CRIM1: variants seen among roughly 807,000 people sequenced by gnomAD.
CRIM1 encodes the protein cysteine rich transmembrane BMP regulator 1.
Under a neutral mutation model 116.4 loss-of-function variants are expected in CRIM1, and 32 were observed. That is an observed-to-expected ratio of 0.27 (90% CI 0.21 to 0.37). The LOEUF (loss-of-function observed/expected upper bound fraction) is 0.37. Ranked by LOEUF, CRIM1 falls within the 10% of genes least tolerant of loss-of-function variation. CRIM1 has a pLI of 1.00. For missense variants in CRIM1, 1,331 were observed against 1,354.8 expected (o/e 0.98, Z 0.28); for synonymous variants, 590 against 509.2 (o/e 1.16, Z -2.13).
At chr2:36,415,149 A>G (rs1186965671) in intron 2 of CRIM1, among the ~76,000 whole-genome samples, 1 of 151,868 alleles carries the variant, frequency 6.6e-6, no homozygotes, top group East Asian at 1.9e-4. Flanking sequence ...TTTGGGGGTG[A>G]GGTTGGGGGT....
chr2:36,482,665 A>T (rs975718069), intron 7 of CRIM1, among the ~76,000 whole-genome samples: 3 of 152,238 alleles, frequency 2.0e-5, no homozygotes, highest in African/African-American at 7.2e-5. Context: ...GTATTTACTT[A>T]GTTTATACAC....
chr2:36,488,147 G>A (rs1679970335), intron 7 of CRIM1, among the ~76,000 whole-genome samples: 1 of 152,268 alleles, frequency 6.6e-6, no homozygotes, highest in East Asian at 1.9e-4. Context: ...AAAATCCAGT[G>A]AGTCACTGTT....
rs549589233 is a variant in CRIM1, at chr2:36,521,447, G to C, written c.2207-645G>C. 5.6e-4 allele frequency among the ~76,000 whole-genome samples: 86 copies of C among 152,256 alleles called. 1 individual carries two copies. The highest frequency in any genetic ancestry group is 2.0e-3 in the African/African-American group (83 of 41,552). ...AAATTGCATGTGGCCACAAGTAAGA[G>C]AAAATCCAGCTACAATTTGTAAGTA... On this transcript the variant is annotated intron_variant, in intron 12 of 16. Coordinates refer to ENST00000280527, the MANE Select transcript of CRIM1 (RefSeq NM_016441.3).
intron 14 of CRIM1, among the ~76,000 whole-genome samples, chr2:36,542,093 G>A (rs1666984371): frequency 6.6e-6 from 1 of 152,154 alleles, no homozygotes. Flanking sequence ...AAAGAAGGAG[G>A]TGTGGGTGGA....
At chr2:36,495,047 C>T (rs978712244) in intron 7 of CRIM1, among the ~76,000 whole-genome samples, 3 of 152,136 alleles carry the variant, frequency 2.0e-5, no homozygotes, top group Non-Finnish European at 4.4e-5. Flanking sequence ...TTCTACCAAG[C>T]TAGTTTAACG....
chr2:36,356,587 G>C lies in CRIM1; in HGVS notation c.295G>C (p.Asp99His), dbSNP rs752467856. 2.0e-5 allele frequency: 32 copies of C among 1,611,594 alleles called. No homozygotes were observed. The highest frequency in any genetic ancestry group is 2.5e-5 in the Non-Finnish European group (30 of 1,179,766). ...TGTCATCCGCCCCCCGCTCAATGGC[G>C]ACTCCCTCACCGAGTACGAAGCGGG... ...RCVIRPPLNG[D>H]SLTEYEAGVC... The change falls in exon 1 of 17, where the codon GAC becomes CAC. Residue 99 changes from aspartate to histidine, a missense_variant. Around this residue, in one of 3 missense-constraint regions of CRIM1, gnomAD observed 690 missense variants for 676.0 expected, o/e 1.02. Coordinates refer to ENST00000280527, the MANE Select transcript of CRIM1 (RefSeq NM_016441.3). This position sits in a 1 kb window ranked among gnomAD's most constrained non-coding sequence, Gnocchi z 4.3.
chr2:36,476,296 T>G (rs1420770808), intron 5 of CRIM1, among the ~76,000 whole-genome samples: 3 of 152,182 alleles, frequency 2.0e-5, no homozygotes, highest in Non-Finnish European at 4.4e-5. Flanking sequence ...TCCTCACTTT[T>G]AAACTCAGGA....
intron 14 of CRIM1, 78 bp downstream of exon 14, chr2:36,537,624 C>A: frequency 1.4e-6 from 2 of 1,417,430 alleles, no homozygotes; most frequent in Middle Eastern, 1.9e-4. Context: ...CTCGACCTGC[C>A]CCTTCTTTCA....
intron 2 of CRIM1, among the ~76,000 whole-genome samples, chr2:36,422,242 A>G (rs1243755010): frequency 6.6e-6 from 1 of 152,020 alleles, no homozygotes; most frequent in Non-Finnish European, 1.5e-5. Context: ...TATTCAATAT[A>G]GTTAATGTTC....
rs371393144 is a variant in CRIM1 at position 36,356,309 on chromosome 2, G to A, written c.17G>A (p.Gly6Glu). The change falls in exon 1 of 17, where the codon GGG (glycine) becomes GAG (glutamate). Residue 6 changes from glycine to glutamate, a missense_variant. By Grantham distance (98) the Gly-to-Glu change is moderately conservative (BLOSUM62 -2). This residue lies in a region of CRIM1 where 690 missense variants were observed against 676.0 expected (regional missense o/e 1.02). Coordinates refer to ENST00000280527, the MANE Select transcript of CRIM1 (RefSeq NM_016441.3). The surrounding 1 kb of genome is among the most constrained non-coding windows in gnomAD (Gnocchi z 4.3). The part of the protein sequence containing the change: MYLVA[G>E]DRGLAGCGHL... ...CGCAGGAGGATGTACTTGGTGGCGG[G>A]GGACAGGGGGTTGGCCGGCTGCGGG... is the stretch of plus-strand genomic sequence containing the variant. 1.3e-5 allele frequency: 20 copies of A among 1,547,288 alleles called. No homozygotes were observed. The highest frequency in any genetic ancestry group is 1.7e-5 in the Non-Finnish European group (19 of 1,148,752).
chr2:36,545,365 A>G (rs890451515), intron 15 of CRIM1, among the ~76,000 whole-genome samples: 5 of 152,182 alleles, frequency 3.3e-5, no homozygotes, highest in African/African-American at 1.2e-4. Flanking sequence ...TTATGCTTAC[A>G]TTCATTCAGT....
chr2:36,471,618 A>G (rs187784649), intron 5 of CRIM1, among the ~76,000 whole-genome samples: 3 of 152,290 alleles, frequency 2.0e-5, no homozygotes, highest in East Asian at 1.9e-4. Context: ...TTAATAGACT[A>G]TAGCAGGGGT....
At chr2:36,491,456 G>A (rs1680219711) in intron 7 of CRIM1, among the ~76,000 whole-genome samples, 1 of 152,216 alleles carries the variant, frequency 6.6e-6, no homozygotes, top group Non-Finnish European at 1.5e-5. Context: ...TGCCACAGTG[G>A]TGTGGACCCT....
chr2:36,511,637 C>G (rs1664690801), intron 9 of CRIM1, among the ~76,000 whole-genome samples: 1 of 152,160 alleles, frequency 6.6e-6, no homozygotes, highest in Non-Finnish European at 1.5e-5. Context: ...CTTTGTATTC[C>G]TGTCAGCACA....
In CRIM1 at chr2:36,406,683, C is replaced by T. The variant is rs547944675; in HGVS notation, c.505+9896C>T. ...TCTCAAACTGATTCTCTTACTCGTC[C>T]TGAAACCAAGCATTCTGTATTGCAA... On this transcript the variant is annotated intron_variant, in intron 2 of 16. Coordinates refer to ENST00000280527, the MANE Select transcript of CRIM1 (RefSeq NM_016441.3). 2.8e-5 allele frequency among the ~76,000 whole-genome samples: 4 copies of T among 143,828 alleles called. No individual in the cohort carries two copies. The Admixed American group carries it at 2.9e-4, about 10-fold the overall frequency. 94.4% of individuals were successfully genotyped at this position (143,828 alleles called of 152,430 possible). A position where few individuals can be genotyped will look rare whatever the true frequency, so the allele number is the denominator to read the frequency against.
intron 2 of CRIM1, among the ~76,000 whole-genome samples, chr2:36,406,014 TTATGTC>T (rs1475480503): frequency 2.6e-5 from 4 of 152,232 alleles, no homozygotes; most frequent in Non-Finnish European, 4.4e-5. Flanking sequence ...GTCTAAAACT[TTATGTC>T]TATGGATTTT....
chr2:36,397,368 A>C (rs1325584282), intron 2 of CRIM1, among the ~76,000 whole-genome samples: 1 of 152,152 alleles, frequency 6.6e-6, no homozygotes, highest in Non-Finnish European at 1.5e-5. Context: ...ACATTCATAC[A>C]TACAACCAAG....
intron 4 of CRIM1, among the ~76,000 whole-genome samples, chr2:36,454,332 C>T (rs1014747339): frequency 1.3e-5 from 2 of 152,138 alleles, no homozygotes; most frequent in African/African-American, 4.8e-5. Flanking sequence ...ATTTGATGGT[C>T]ATTTCACAAA....
chr2:36,508,541 A>C (rs976796661), intron 8 of CRIM1, among the ~76,000 whole-genome samples: 7 of 152,100 alleles, frequency 4.6e-5, no homozygotes, highest in African/African-American at 1.7e-4. Context: ...CAATAATTAG[A>C]CTCTGCTTCC....
Sources: gnomAD v4.1 joint callset for allele counts (sites outside exome capture counted in the v4.1 genomes callset) on GRCh38, gnomAD v4.1.1 for gene constraint, gnomAD v4.1.1 regional missense constraint, Gnocchi (gnomAD v3.1) non-coding constraint, MANE v1.5 for transcripts, NCBI Gene and HGNC (gene_info 2026-07-23, HGNC 2026-07-21) for gene names.